The following UBE2D3 variants were observed in gnomAD, a reference collection of about 807,000 sequenced individuals.
The protein encoded by UBE2D3 is ubiquitin-conjugating enzyme E2 D3.
UBE2D3 carries 2 observed loss-of-function variants against 22.8 expected under a neutral mutation model. That is an observed-to-expected ratio of 0.09 (90% CI 0.04 to 0.28). The LOEUF is 0.28. UBE2D3 is among the 10% of genes least tolerant of loss of function. UBE2D3 has a pLI of 1.00. For missense variants in UBE2D3, 27 were observed against 182.5 expected (o/e 0.15, Z 4.91); for synonymous variants, 56 against 60.4 (o/e 0.93, Z 0.34).
Position 102,826,358 on chromosome 4 carries a change from C to A in UBE2D3, c.24+127G>T. On this transcript the variant is annotated intron_variant, in intron 2 of 7. Transcript: ENST00000453744. ...CAAGAAGTATATCTGCGTTCTCCAT[C>A]CCCCCATGGAAGAAGTGATCCAAGA... 2.5e-6 allele frequency: 3 copies of A among 1,182,058 alleles called. No homozygotes were observed. The South Asian group carries it at 3.9e-5, about 16-fold the overall frequency. 73.2% of individuals were successfully genotyped at this position (1,182,058 alleles called of 1,614,324 possible). A position where few individuals can be genotyped will look rare whatever the true frequency, so the allele number is the denominator to read the frequency against.
intron 1 of UBE2D3, among the ~76,000 whole-genome samples, chr4:102,857,416 G>C (rs1375880844): frequency 6.6e-6 from 1 of 152,150 alleles, no homozygotes; most frequent in Non-Finnish European, 1.5e-5. Flanking sequence ...ATTAGAAATT[G>C]AGTGGAATTT....
At chr4:102,858,937 T>C (rs1275044651) in intron 1 of UBE2D3, among the ~76,000 whole-genome samples, 1 of 152,090 alleles carries the variant, frequency 6.6e-6, no homozygotes, top group Non-Finnish European at 1.5e-5. Flanking sequence ...TGATTTTATG[T>C]ATCACCATTA....
At chr4:102,815,023 T>TATTTTAA in intron 2 of UBE2D3, among the ~76,000 whole-genome samples, 1 of 151,670 alleles carries the variant, frequency 6.6e-6, no homozygotes, top group Non-Finnish European at 1.5e-5. Flanking sequence ...TGTTAAAATG[T>TATTTTAA]CTGAACAAAA....
Position 102,827,408 on chromosome 4 carries a change from C to G in UBE2D3, c.-129+19G>C, listed in dbSNP as rs892085952. ...GCCGGCCTCCCTTCCCTGCCCTAGC[C>G]GTCCACACCCACGCGTACAGAGGGG... is the stretch of plus-strand genomic sequence containing the variant. On this transcript the variant is annotated intron_variant, in intron 1 of 7. Transcript: ENST00000453744. 6 of 986,018 alleles carry G rather than the reference C, an allele frequency of 6.1e-6. No homozygotes were observed. Among genetic ancestry groups the G allele is most frequent in the East Asian group, 1.1e-4 (1 of 8,812 alleles). 61.1% of individuals were successfully genotyped at this position (986,018 alleles called of 1,614,324 possible).
intron 2 of UBE2D3, among the ~76,000 whole-genome samples, chr4:102,823,264 T>A (rs749730403): frequency 5.3e-5 from 8 of 152,230 alleles, no homozygotes; most frequent in Non-Finnish European, 1.2e-4. Flanking sequence ...CCAGGCTGCC[T>A]AGGTTCTAAT....
intron 2 of UBE2D3, chr4:102,812,562 T>C (rs536816936): frequency 5.5e-4 from 84 of 152,340 alleles, no homozygotes; most frequent in African/African-American, 2.0e-3. Context: ...TCAGATAATG[T>C]TGACATCTTT....
intron 1 of UBE2D3, among the ~76,000 whole-genome samples, chr4:102,840,335 T>G (rs557755877): frequency 6.6e-6 from 1 of 152,316 alleles, no homozygotes; most frequent in East Asian, 1.9e-4. Context: ...CGTCAACAGA[T>G]GAATGGATAA....
chr4:102,826,698 A>T, intron 1 of UBE2D3, 62 bp from the exon 2 acceptor site: 1 of 1,465,720 alleles, frequency 6.8e-7, no homozygotes, highest in Non-Finnish European at 8.9e-7. Context: ...TGATGAATCC[A>T]GGTCCCTTAA....
rs74661152 is a variant in UBE2D3 at position 102,858,256 on chromosome 4, T to C, written c.-129+10459A>G. Among the ~76,000 whole-genome samples the C allele has an allele frequency of 1.9e-3, 296 of 152,114 alleles. 10 individuals carry two copies. The East Asian group carries it at 0.048, about 24-fold the overall frequency. On this transcript the variant is annotated intron_variant, in intron 1 of 7. Transcript: ENST00000338145. ...GCTATTTTATTAAAATAGTGTGTTA[T>C]CATACAGCTCAAAATGCTGATAAGA...
At chr4:102,797,928 AG>A (rs1725459753) in intron 7 of UBE2D3, among the ~76,000 whole-genome samples, 1 of 151,976 alleles carries the variant, frequency 6.6e-6, no homozygotes, top group Admixed American at 6.6e-5. Context: ...GGATATTACA[AG>A]AAAAAATGGC....
chr4:102,857,716 T>C (rs1222342765), intron 1 of UBE2D3, among the ~76,000 whole-genome samples: 1 of 152,162 alleles, frequency 6.6e-6, no homozygotes, highest in Non-Finnish European at 1.5e-5. Context: ...GTGTGTGTGA[T>C]GGAGTATCAC....
chr4:102,812,615 A>T (rs1052862950), intron 2 of UBE2D3: 14 of 152,192 alleles, frequency 9.2e-5, no homozygotes, highest in African/African-American at 3.4e-4. Flanking sequence ...CAATGTATGC[A>T]CCAACAGTAC....
At chr4:102,813,554 G>A (rs1291530018) in intron 2 of UBE2D3, among the ~76,000 whole-genome samples, 2 of 152,130 alleles carry the variant, frequency 1.3e-5, no homozygotes, top group African/African-American at 2.4e-5. Context: ...GATAATGTAA[G>A]TAAAGACTCA....
chr4:102,819,540 A>G (rs915493853), intron 2 of UBE2D3: 14 of 984,672 alleles, frequency 1.4e-5, no homozygotes, highest in Non-Finnish European at 2.4e-6. Flanking sequence ...ACCAAAAGGT[A>G]GCATTTATGA....
At chr4:102,848,913 ATGTGTGCCTGTGTGTGTGTG>A (rs1732187686) in intron 1 of UBE2D3, among the ~76,000 whole-genome samples, 4 of 127,348 alleles carry the variant, frequency 3.1e-5, no homozygotes, top group Non-Finnish European at 3.3e-5. Context: ...GATTGATTTT[ATGTGTGCCTGTGTGTGTGTG>A]TGTGTGTGTG....
chr4:102,852,030 C>A (rs2110368533), intron 1 of UBE2D3, among the ~76,000 whole-genome samples: 1 of 131,686 alleles, frequency 7.6e-6, no homozygotes, highest in Admixed American at 7.8e-5. Flanking sequence ...TTTCCTAACT[C>A]TCTTGAAAGT....
In UBE2D3 at chr4:102,860,405, GTGTGTGTGTGTGTGTGTA is replaced by G. The variant is rs1732834116; in HGVS notation, c.-129+8292_-129+8309del. Among the ~76,000 whole-genome samples the G allele has an allele frequency of 4.5e-5, 5 of 111,136 alleles. No individual in the cohort carries two copies. In the South Asian group the frequency reaches 9.4e-4, roughly 21 times the overall value. 72.9% of individuals were successfully genotyped at this position (111,136 alleles called of 152,430 possible). ...TTCCTTTGGTTGTCATGTTTTCCTG[GTGTGTGTGTGTGTGTGTA>G]TGTGTGTGTGTGTGTGTTCTTTTAA... On this transcript the variant is annotated intron_variant, in intron 1 of 7. Transcript: ENST00000338145.
chr4:102,828,219 G>C (rs923116280), upstream of UBE2D3: 1 of 985,290 alleles, frequency 1.0e-6, no homozygotes, highest in Non-Finnish European at 1.2e-6. Flanking sequence ...CTTGTCTCAC[G>C]CGCCCAATCA....
chr4:102,840,558 G>T (rs1731693592), intron 1 of UBE2D3, among the ~76,000 whole-genome samples: 1 of 152,142 alleles, frequency 6.6e-6, no homozygotes, highest in Admixed American at 6.5e-5. Context: ...GTTACCAGAA[G>T]CTGGGAAAGG....
Sources: gnomAD v4.1 joint callset for allele counts (sites outside exome capture counted in the v4.1 genomes callset) on GRCh38, gnomAD v4.1.1 for gene constraint, MANE v1.5 for transcripts, NCBI Gene and HGNC (gene_info 2026-07-23, HGNC 2026-07-21) for gene names.